The following TP53AIP1 variants were observed in gnomAD, a reference collection of about 807,000 sequenced individuals.
TP53AIP1 encodes tumor protein p53 regulated apoptosis inducing protein 1.
A neutral mutation model predicts 9.5 loss-of-function variants in TP53AIP1; 14 were observed. That is an observed-to-expected ratio of 1.47 (90% CI 0.97 to 2.30). TP53AIP1 has a LOEUF of 2.30. TP53AIP1 is among the 30% of genes most tolerant of loss of function. The pLI is 0.00. For missense variants in TP53AIP1, 153 were observed against 146.7 expected (o/e 1.04, Z -0.22); for synonymous variants, 73 against 61.2 (o/e 1.19, Z -0.90).
chr11:128,937,604 C>A lies in TP53AIP1; in HGVS notation c.141+74G>T. 6.2e-7 allele frequency: 1 copy of A among 1,614,138 alleles called. No individual in the cohort carries two copies. ...AGTCTGAAAACTTGGGATGTCGGCA[C>A]CACGGTGAGAGCAGAGTCTGCCCGG... On this transcript the variant is annotated intron_variant, in intron 2 of 3. Transcript: ENST00000531399. This position sits in a 1 kb window ranked among gnomAD's most constrained non-coding sequence, Gnocchi z 4.8.
intron 1 of TP53AIP1, among the ~76,000 whole-genome samples, chr11:128,940,707 A>G (rs1944923666): frequency 1.3e-5 from 2 of 152,214 alleles, no homozygotes; most frequent in South Asian, 4.1e-4. Context: ...GCAGCACAAA[A>G]TGGACTGGGA....
chr11:128,935,930 C>A, intron 3 of TP53AIP1: 1 of 1,268,016 alleles, frequency 7.9e-7, no homozygotes, highest in South Asian at 2.7e-5. Context: ...AAAAATGTAT[C>A]TTGGAATAAA....
At chr11:128,935,359 C>T (rs901795915), downstream of TP53AIP1, 6 of 1,414,698 alleles carry the variant, frequency 4.2e-6, no homozygotes, top group African/African-American at 7.2e-5. Context: ...GGAATGCAAA[C>T]TTCACAAGAA....
In TP53AIP1 at chr11:128,936,988, G is replaced by A. The variant is rs560119944; in HGVS notation, c.142-339C>T. On this transcript the variant is annotated intron_variant, in intron 2 of 3. Coordinates refer to ENST00000531399, the MANE Select transcript of TP53AIP1 (RefSeq NM_022112.3). Reference sequence around the variant, plus strand: ...CTGGGCCCTGCACCTCAGACGCTGCGTGTGAGCTTCTGGGGAGAGAAGTGT... The same window carrying A: ...CTGGGCCCTGCACCTCAGACGCTGCATGTGAGCTTCTGGGGAGAGAAGTGT... 5.4e-5 allele frequency: 59 copies of A among 1,091,072 alleles called. No individual in the cohort carries two copies. The African/African-American group carries it at 6.1e-4, about 11-fold the overall frequency. 67.6% of individuals were successfully genotyped at this position (1,091,072 alleles called of 1,614,324 possible). A position where few individuals can be genotyped will look rare whatever the true frequency, so the allele number is the denominator to read the frequency against.
In TP53AIP1 at chr11:128,937,506, T is replaced by C. The variant is rs1480364692; in HGVS notation, c.141+172A>G. 1 of 1,596,428 alleles carries C rather than the reference T, an allele frequency of 6.3e-7. No individual in the cohort carries two copies. The highest frequency in any genetic ancestry group is 2.2e-5 in the East Asian group (1 of 44,572). On this transcript the variant is annotated intron_variant, in intron 2 of 3. Transcript: ENST00000531399. This position sits in a 1 kb window ranked among gnomAD's most constrained non-coding sequence, Gnocchi z 4.8. Reference sequence around the variant, plus strand: ...GATCAGGGCTGTCAGTTCCCAGCTCTGTCCAATGCTCTGAACTGGGGACAG... The same window carrying C: ...GATCAGGGCTGTCAGTTCCCAGCTCCGTCCAATGCTCTGAACTGGGGACAG...
At chr11:128,936,511 T>G (rs773330789) in intron 3 of TP53AIP1, 27 bp downstream of exon 3, 20 of 1,539,390 alleles carry the variant, frequency 1.3e-5, no homozygotes, top group Non-Finnish European at 1.7e-5. Flanking sequence ...CCCACACCCA[T>G]GAATTCACTA....
Position 128,937,380 on chromosome 11 carries a change from C to T in TP53AIP1, c.141+298G>A, listed in dbSNP as rs1944847855. The T allele has an allele frequency of 7.0e-7, 1 of 1,426,786 alleles. No homozygotes were observed. The highest frequency in any genetic ancestry group is 9.1e-7 in the Non-Finnish European group (1 of 1,094,080). The allele number at this position is 1,426,786 out of a possible 1,614,324, so 88.4% of individuals were successfully genotyped here. Reference sequence around the variant, plus strand: ...TCACTTTCTGGATGCAGCCAGGCACCACCTTCCTTCCAAAAGCCTTGTTTC... The same window carrying T: ...TCACTTTCTGGATGCAGCCAGGCACTACCTTCCTTCCAAAAGCCTTGTTTC... On this transcript the variant is annotated intron_variant, in intron 2 of 3. Coordinates refer to ENST00000531399, the MANE Select transcript of TP53AIP1 (RefSeq NM_022112.3). This position sits in a 1 kb window ranked among gnomAD's most constrained non-coding sequence, Gnocchi z 4.8.
In TP53AIP1 at chr11:128,936,600, C is replaced by T. The variant is rs1944828723; in HGVS notation, c.191G>A (p.Gly64Glu). 6.3e-7 allele frequency: 1 copy of T among 1,588,676 alleles called. No homozygotes were observed. Among genetic ancestry groups the T allele is most frequent in the African/African-American group, 1.3e-5 (1 of 74,656 alleles). ...LGAQVHGGCR[G>E]IEALSVSSGS... The stretch of plus-strand genomic sequence containing the variant: ...AGACGAGACTGACAGAGCTTCTATT[C>T]CCCGGCACCCTCCGTGAACTTGGGC... The change falls in exon 3 of 4, where the codon GGA becomes GAA. Residue 64 changes from glycine to glutamate, a missense_variant. By Grantham distance (98) the Gly-to-Glu change is moderately conservative. Coordinates refer to ENST00000531399, the MANE Select transcript of TP53AIP1 (RefSeq NM_022112.3).
intron 1 of TP53AIP1, among the ~76,000 whole-genome samples, chr11:128,942,223 G>T (rs1944960953): frequency 6.6e-6 from 1 of 152,200 alleles, no homozygotes; most frequent in Non-Finnish European, 1.5e-5. Context: ...CTGTGCCCAG[G>T]ACCCAGGCTC....
chr11:128,940,153 C>T (rs1056338916), intron 1 of TP53AIP1, among the ~76,000 whole-genome samples: 1 of 152,168 alleles, frequency 6.6e-6, no homozygotes, highest in Non-Finnish European at 1.5e-5. Flanking sequence ...TCACAAAGAA[C>T]CTTGGAGCCC....
At chr11:128,938,478 G>T (rs1944878327) in intron 1 of TP53AIP1, among the ~76,000 whole-genome samples, 1 of 152,100 alleles carries the variant, frequency 6.6e-6, no homozygotes, top group African/African-American at 2.4e-5. Context: ...CTCCCTCTCT[G>T]CCCTCCTGGG....
At chr11:128,935,789 A>C in intron 3 of TP53AIP1, 77 bp from the exon 4 acceptor site, 1 of 1,414,080 alleles carries the variant, frequency 7.1e-7, no homozygotes, top group Non-Finnish European at 9.2e-7. Flanking sequence ...CATGTTACAG[A>C]CCAGGGATAA....
chr11:128,935,985 G>T (rs773614185), intron 3 of TP53AIP1: 3 of 1,000,826 alleles, frequency 3.0e-6, no homozygotes, highest in African/African-American at 3.4e-5. Flanking sequence ...GACATACTAC[G>T]TACAGGTGCT....
At position 128,936,424 on chromosome 11, in the gene TP53AIP1, G is replaced by A. The variant is rs1591463662; in HGVS notation, c.253+114C>T. The A allele has an allele frequency of 2.8e-6, 4 of 1,414,878 alleles. No homozygotes were observed. The South Asian group carries it at 4.8e-5, about 17-fold the overall frequency. 87.6% of individuals were successfully genotyped at this position (1,414,878 alleles called of 1,614,324 possible). A position where few individuals can be genotyped will look rare whatever the true frequency, so the allele number is the denominator to read the frequency against. Reference sequence around the variant, plus strand: ...TTTTGTCAGATGGCAAATTTCAGGAGAGGGTCAAACTCAAAAAACCCTATG... The same window carrying A: ...TTTTGTCAGATGGCAAATTTCAGGAAAGGGTCAAACTCAAAAAACCCTATG... On this transcript the variant is annotated intron_variant, in intron 3 of 3. Coordinates refer to ENST00000531399, the MANE Select transcript of TP53AIP1 (RefSeq NM_022112.3).
rs574768694 is a variant in TP53AIP1 at position 128,939,004 on chromosome 11, T to C, written c.-76-1110A>G. Among the ~76,000 whole-genome samples the C allele has an allele frequency of 5.9e-5, 9 of 152,292 alleles. No homozygotes were observed. The highest frequency in any genetic ancestry group is 1.9e-4 in the African/African-American group (8 of 41,546). ...GGACCAGTTTGGTACATGCTGGCCA[T>C]GTGCGGTGACCACGCTAAGTACTGT... On this transcript the variant is annotated intron_variant, in intron 1 of 3. Coordinates refer to ENST00000531399, the MANE Select transcript of TP53AIP1 (RefSeq NM_022112.3). The surrounding 1 kb of genome is among the most constrained non-coding windows in gnomAD (Gnocchi z 4.1).
rs1944833987 is a variant in TP53AIP1 at position 128,936,821 on chromosome 11, G to A, written c.142-172C>T. Reference sequence around the variant, plus strand: ...CATGGAAACCAAACTGGGACAGGAGGAACAAAAGGCTCCTCAAGGTCAGTG... The same window carrying A: ...CATGGAAACCAAACTGGGACAGGAGAAACAAAAGGCTCCTCAAGGTCAGTG... On this transcript the variant is annotated intron_variant, in intron 2 of 3. Coordinates refer to ENST00000531399, the MANE Select transcript of TP53AIP1 (RefSeq NM_022112.3). 9.8e-6 allele frequency: 14 copies of A among 1,424,878 alleles called. No homozygotes were observed. The East Asian group carries it at 3.3e-4, about 34-fold the overall frequency. The allele number at this position is 1,424,878 out of a possible 1,614,324, so 88.3% of individuals were successfully genotyped here.
Position 128,936,592 on chromosome 11 carries a change from C to T in TP53AIP1, c.199G>A (p.Ala67Thr), listed in dbSNP as rs1194359587. 1.3e-6 allele frequency: 2 copies of T among 1,588,434 alleles called. No homozygotes were observed. The highest frequency in any genetic ancestry group is 1.3e-5 in the African/African-American group (1 of 74,676). Residue 67 changes from alanine (A) to threonine (T), a missense_variant, in exon 3 of 4, where the codon GCT (alanine) becomes ACT (threonine). By Grantham distance (58) the Ala-to-Thr change is moderately conservative. Transcript: ENST00000531399. ...QVHGGCRGIE[A>T]LSVSSGSWSS... ...CAAGATCCAGACGAGACTGACAGAGCTTCTATTCCCCGGCACCCTCCGTGA... is the reference window on the plus strand; with the variant it reads ...CAAGATCCAGACGAGACTGACAGAGTTTCTATTCCCCGGCACCCTCCGTGA...
In TP53AIP1 at chr11:128,937,950, G is replaced by T; in HGVS notation, c.-76-56C>A. 2 of 982,300 alleles carry T rather than the reference G, an allele frequency of 2.0e-6. No homozygotes were observed. The highest frequency in any genetic ancestry group is 2.9e-6 in the Non-Finnish European group (2 of 680,952). The allele number at this position is 982,300 out of a possible 1,614,324, so 60.8% of individuals were successfully genotyped here. ...AAGCAGTGGTGGCAGCGCTGGGCCAGCAATGATGATTTCTACTGTTAGGGT... is the reference window on the plus strand; with the variant it reads ...AAGCAGTGGTGGCAGCGCTGGGCCATCAATGATGATTTCTACTGTTAGGGT... On this transcript the variant is annotated intron_variant, in intron 1 of 3. Coordinates refer to ENST00000531399, the MANE Select transcript of TP53AIP1 (RefSeq NM_022112.3). This position sits in a 1 kb window ranked among gnomAD's most constrained non-coding sequence, Gnocchi z 4.8.
Position 128,937,729 on chromosome 11 carries a change from G to A in TP53AIP1, c.90C>T (p.Asn30=). Residue 30 remains asparagine (N), a synonymous_variant, in exon 2 of 4, where the codon AAC becomes AAT. Transcript: ENST00000531399. The surrounding 1 kb of genome is among the most constrained non-coding windows in gnomAD (Gnocchi z 4.8). The part of the protein sequence containing the change: ...RRQGLGRGDQ[N]LSVMPPNGRA... ...TGCCATTCGGAGGCATCACCGAGAG[G>A]TTCTGGTCTCCCCTGCCCAGGCCCT... 3.7e-6 allele frequency: 6 copies of A among 1,614,176 alleles called. No individual in the cohort carries two copies. The highest frequency in any genetic ancestry group is 5.1e-6 in the Non-Finnish European group (6 of 1,180,034).
Sources: gnomAD v4.1 joint callset for allele counts (sites outside exome capture counted in the v4.1 genomes callset) on GRCh38, gnomAD v4.1.1 for gene constraint, Gnocchi (gnomAD v3.1) non-coding constraint, MANE v1.5 for transcripts, NCBI Gene and HGNC (gene_info 2026-07-23, HGNC 2026-07-21) for gene names.